The following CDH11 variants were observed in gnomAD, a reference collection of about 807,000 sequenced individuals.
The protein encoded by CDH11 is cadherin-11.
CDH11 carries 11 observed loss-of-function variants against 67.8 expected under a neutral mutation model. The observed-to-expected ratio is 0.16, with a 90% CI of 0.10 to 0.27. The LOEUF is 0.27. Ranked by LOEUF, CDH11 falls within the 10% of genes least tolerant of loss-of-function variation. The pLI, the probability that CDH11 is intolerant of heterozygous loss-of-function variation, is 1.00. For synonymous variants in CDH11, 419 were observed against 400.0 expected (o/e 1.05, Z -0.57); for missense variants, 847 against 1,031.2 (o/e 0.82, Z 2.45).
chr16:65,062,223 C>A (rs1191631208), intron 1 of CDH11, among the ~76,000 whole-genome samples: 1 of 152,166 alleles, frequency 6.6e-6, no homozygotes, highest in Admixed American at 6.6e-5. Flanking sequence ...AAAACAAAGA[C>A]CTTTAACCAG....
chr16:65,085,059 G>A (rs1197104591), intron 1 of CDH11, among the ~76,000 whole-genome samples: 1 of 152,106 alleles, frequency 6.6e-6, no homozygotes, highest in South Asian at 2.1e-4. Context: ...ACAGGCACCT[G>A]CCACCATGCC....
intron 1 of CDH11, among the ~76,000 whole-genome samples, chr16:65,066,928 A>G (rs562664905): frequency 6.6e-6 from 1 of 152,332 alleles, no homozygotes; most frequent in African/African-American, 2.4e-5. Context: ...AGGATGTAAG[A>G]GCCAAATGAA....
chr16:65,056,489 A>G (rs868579540), intron 1 of CDH11, among the ~76,000 whole-genome samples: 22 of 152,236 alleles, frequency 1.4e-4, no homozygotes, highest in African/African-American at 4.8e-4. Context: ...ATGCCACTAA[A>G]TGTTAGGATG....
chr16:64,950,628 T>G (rs2071332372), intron 12 of CDH11, 139 bp downstream of exon 12: 26 of 593,532 alleles, frequency 4.4e-5, no homozygotes, highest in South Asian at 6.0e-5. Flanking sequence ...CCCGCCCCCG[T>G]ACCCCACTTC....
At chr16:65,063,170 C>T (rs2074259860) in intron 1 of CDH11, among the ~76,000 whole-genome samples, 1 of 152,150 alleles carries the variant, frequency 6.6e-6, no homozygotes, top group Admixed American at 6.5e-5. Flanking sequence ...GCTATTCTAC[C>T]TCGATTTGTG....
At chr16:64,976,557 A>C (rs945665575) in intron 8 of CDH11, among the ~76,000 whole-genome samples, 4 of 152,208 alleles carry the variant, frequency 2.6e-5, no homozygotes, top group African/African-American at 9.6e-5. Flanking sequence ...AAGACCCATT[A>C]GATAAAAAGT....
intron 1 of CDH11, among the ~76,000 whole-genome samples, chr16:65,075,947 A>G (rs938444292): frequency 6.6e-6 from 1 of 152,056 alleles, no homozygotes; most frequent in Non-Finnish European, 1.5e-5. Context: ...TTATGGGCAG[A>G]GTCTAATACA....
chr16:65,010,914 T>G (rs2073162307), intron 2 of CDH11, among the ~76,000 whole-genome samples: 2 of 150,706 alleles, frequency 1.3e-5, no homozygotes. Flanking sequence ...ACATATTATT[T>G]TATTGCATTT....
At chr16:64,997,803 G>A (rs1441122200) in intron 4 of CDH11, among the ~76,000 whole-genome samples, 1 of 152,104 alleles carries the variant, frequency 6.6e-6, no homozygotes, top group Admixed American at 6.5e-5. Flanking sequence ...TATACTTGCT[G>A]GATTTTCTCA....
chr16:65,051,347 A>C (rs191070090), intron 2 of CDH11, among the ~76,000 whole-genome samples: 17 of 152,310 alleles, frequency 1.1e-4, no homozygotes, highest in African/African-American at 4.1e-4. Flanking sequence ...CCATCTATTT[A>C]ACAATAGCTT....
chr16:65,046,500 A>C (rs1391083562), intron 2 of CDH11, among the ~76,000 whole-genome samples: 1 of 152,222 alleles, frequency 6.6e-6, no homozygotes, highest in Admixed American at 6.5e-5. Flanking sequence ...AATGAGAGGA[A>C]CACATTATTG....
chr16:65,063,353 C>T (rs553628102), intron 1 of CDH11, among the ~76,000 whole-genome samples: 7 of 152,042 alleles, frequency 4.6e-5, no homozygotes, highest in South Asian at 2.1e-4. Flanking sequence ...AACAAACAAA[C>T]GAACAAAAAA....
chr16:64,986,854 A>G (rs988585203), intron 7 of CDH11: 2 of 151,802 alleles, frequency 1.3e-5, no homozygotes, highest in African/African-American at 4.8e-5. Context: ...CCCAACCCCA[A>G]CATACTTTAA....
At chr16:65,095,124 C>T (rs1296870728) in intron 1 of CDH11, among the ~76,000 whole-genome samples, 1 of 152,144 alleles carries the variant, frequency 6.6e-6, no homozygotes, top group Non-Finnish European at 1.5e-5. Flanking sequence ...TCCTAAATAG[C>T]AGACCCAGGG....
intron 1 of CDH11, among the ~76,000 whole-genome samples, chr16:65,083,459 TAAGCTGCTTCTTCA>T (rs1335073336): frequency 6.6e-6 from 1 of 152,212 alleles, no homozygotes; most frequent in African/African-American, 2.4e-5. Context: ...TCTCATTTGA[TAAGCTGCTTCTTCA>T]AAGCTGAGAA....
At chr16:65,016,861 G>T (rs2142565351) in intron 2 of CDH11, among the ~76,000 whole-genome samples, 1 of 152,276 alleles carries the variant, frequency 6.6e-6, no homozygotes, top group African/African-American at 2.4e-5. Flanking sequence ...AACAAAGGGG[G>T]TATCATTCAT....
At chr16:65,019,726 C>A (rs1182340573) in intron 2 of CDH11, among the ~76,000 whole-genome samples, 1 of 151,982 alleles carries the variant, frequency 6.6e-6, no homozygotes, top group Non-Finnish European at 1.5e-5. Context: ...GCTTTTATTT[C>A]AATATTTAAT....
Position 65,031,179 on chromosome 16 carries a change from C to T in CDH11, c.-173+22625G>A, listed in dbSNP as rs373794102. 3.3e-5 allele frequency among the ~76,000 whole-genome samples: 5 copies of T among 152,296 alleles called. No individual in the cohort carries two copies. The South Asian group carries it at 8.3e-4, about 25-fold the overall frequency. ...CTTTCAAGCTCTTTTCAGAATGCAG[C>T]ACTCACAGATAATTGTTCACATGTA... On this transcript the variant is annotated intron_variant, in intron 2 of 12. Transcript: ENST00000268603.
chr16:65,118,072 C>A (rs905440844), intron 1 of CDH11, among the ~76,000 whole-genome samples: 1 of 152,170 alleles, frequency 6.6e-6, no homozygotes, highest in Non-Finnish European at 1.5e-5. Flanking sequence ...CCTGAGAGGG[C>A]CAGACAAGGC....
Sources: allele counts gnomAD v4.1 joint callset (sites outside exome capture counted in the v4.1 genomes callset), GRCh38; gene constraint gnomAD v4.1.1; transcripts MANE v1.5; gene names NCBI Gene and HGNC (gene_info 2026-07-23, HGNC 2026-07-21).